Variants in SCHIP1 observed in about 807,000 individuals in gnomAD.
SCHIP1 encodes the protein schwannomin interacting protein 1.
A neutral mutation model predicts 29.7 loss-of-function variants in SCHIP1; 8 were observed. The observed-to-expected ratio is 0.27, with a 90% CI of 0.16 to 0.49. The LOEUF (loss-of-function observed/expected upper bound fraction) is 0.49. Ranked by LOEUF, SCHIP1 falls within the 20% of genes least tolerant of loss-of-function variation. The probability of loss-of-function intolerance (pLI) is 0.99; values close to 1 mark genes in which losing one functional copy is unlikely to be tolerated. For missense variants in SCHIP1, 193 were observed against 294.6 expected (o/e 0.66, Z 2.52); for synonymous variants, 76 against 94.9 (o/e 0.80, Z 1.16).
chr3:159,409,784 T>A, the SCHIP1 span, among the ~76,000 whole-genome samples: 1 of 152,056 alleles, frequency 6.6e-6, no homozygotes, highest in East Asian at 1.9e-4. Flanking sequence ...GAAAAGAGAA[T>A]CTTAAAATTT....
At chr3:159,744,130 C>T in the SCHIP1 span, among the ~76,000 whole-genome samples, 4 of 152,006 alleles carry the variant, frequency 2.6e-5, no homozygotes, top group African/African-American at 9.7e-5. Context: ...CTCAAAGGTA[C>T]CAAACAAAAT....
At chr3:159,678,327 G>A in the SCHIP1 span, among the ~76,000 whole-genome samples, 12 of 152,200 alleles carry the variant, frequency 7.9e-5, no homozygotes, top group Non-Finnish European at 1.5e-4. Context: ...AATTCACACT[G>A]AGAAATGAAT....
At chr3:159,892,390 TC>T (rs774740527) in intron 6 of SCHIP1, 200 bp downstream of exon 7, 42 of 621,916 alleles carry the variant, frequency 6.8e-5, no homozygotes, top group Non-Finnish European at 9.8e-5. Context: ...TTAGCAACCA[TC>T]CCCCCCTTGT....
chr3:159,487,464 A>G, the SCHIP1 span, among the ~76,000 whole-genome samples: 1 of 152,106 alleles, frequency 6.6e-6, no homozygotes, highest in Non-Finnish European at 1.5e-5. Context: ...ATAGCACAGC[A>G]GTGCAGGAGC....
chr3:159,750,884 C>A, the SCHIP1 span, among the ~76,000 whole-genome samples: 1 of 121,384 alleles, frequency 8.2e-6, no homozygotes, highest in Non-Finnish European at 1.8e-5. Context: ...TTAAAAGACT[C>A]TTCATTTTCC....
At chr3:159,290,385 A>G in the SCHIP1 span, among the ~76,000 whole-genome samples, 1 of 152,186 alleles carries the variant, frequency 6.6e-6, no homozygotes, top group Middle Eastern at 3.2e-3. Context: ...ACCTAATGGA[A>G]CTAATGAAAA....
chr3:159,703,771 A>T, the SCHIP1 span, among the ~76,000 whole-genome samples: 2 of 152,196 alleles, frequency 1.3e-5, no homozygotes, highest in South Asian at 2.1e-4. Flanking sequence ...TACATGGTGA[A>T]CTATATTTGG....
chr3:159,765,195 C>T, the SCHIP1 span: 3 of 1,480,908 alleles, frequency 2.0e-6, no homozygotes, highest in East Asian at 2.7e-5. Flanking sequence ...ACCCCGCGCA[C>T]AGCCCGCACG....
chr3:159,540,982 G>A, the SCHIP1 span, among the ~76,000 whole-genome samples: 1 of 151,994 alleles, frequency 6.6e-6, no homozygotes, highest in African/African-American at 2.4e-5. Flanking sequence ...AAAACAAGGA[G>A]CAATAACAAA....
intron 2 of SCHIP1, among the ~76,000 whole-genome samples, chr3:159,884,185 C>A (rs1716728010): frequency 6.6e-6 from 1 of 151,874 alleles, no homozygotes; most frequent in East Asian, 1.9e-4. Context: ...AGCTTTTTTC[C>A]CACCATCTTC....
chr3:159,336,416 GC>G, the SCHIP1 span, among the ~76,000 whole-genome samples: 1 of 152,106 alleles, frequency 6.6e-6, no homozygotes, highest in East Asian at 1.9e-4. Context: ...TGAAGTCCTA[GC>G]CCATGCCTAT....
the SCHIP1 span, among the ~76,000 whole-genome samples, chr3:159,408,956 A>G: frequency 2.0e-5 from 3 of 152,242 alleles, no homozygotes; most frequent in Non-Finnish European, 4.4e-5. Context: ...GGTGGGATTT[A>G]TCCCAGAGAT....
At chr3:159,350,045 GT>G in the SCHIP1 span, among the ~76,000 whole-genome samples, 1 of 152,120 alleles carries the variant, frequency 6.6e-6, no homozygotes, top group African/African-American at 2.4e-5. Context: ...GTGTAAGGAG[GT>G]TTTCAGATTG....
chr3:159,858,284 G>A (rs565094327), intron 1 of SCHIP1, among the ~76,000 whole-genome samples: 2 of 152,280 alleles, frequency 1.3e-5, no homozygotes, highest in South Asian at 4.2e-4. Flanking sequence ...GCTCACAGGG[G>A]AGGACAATCA....
the SCHIP1 span, among the ~76,000 whole-genome samples, chr3:159,636,342 C>A: frequency 6.6e-6 from 1 of 152,156 alleles, no homozygotes. Context: ...GCCACCGCAC[C>A]CAGCCTAATT....
At chr3:159,508,414 C>A in the SCHIP1 span, among the ~76,000 whole-genome samples, 1 of 152,222 alleles carries the variant, frequency 6.6e-6, no homozygotes, top group African/African-American at 2.4e-5. Flanking sequence ...TTTCAAAAAA[C>A]CAGCTCCTGG....
At chr3:159,644,322 C>A in the SCHIP1 span, among the ~76,000 whole-genome samples, 1 of 151,726 alleles carries the variant, frequency 6.6e-6, no homozygotes, top group Non-Finnish European at 1.5e-5. Context: ...TTGCTTTGAC[C>A]CATTATTACA....
the SCHIP1 span, among the ~76,000 whole-genome samples, chr3:159,304,905 C>G: frequency 6.6e-6 from 1 of 152,176 alleles, no homozygotes; most frequent in Non-Finnish European, 1.5e-5. Flanking sequence ...ATCCCTGCCT[C>G]TGTTCCCAGC....
At chr3:159,622,428 G>T in the SCHIP1 span, among the ~76,000 whole-genome samples, 1 of 152,160 alleles carries the variant, frequency 6.6e-6, no homozygotes, top group Non-Finnish European at 1.5e-5. Flanking sequence ...TGTTTCTGAT[G>T]AATTTTCCCA....
Sources: allele counts gnomAD v4.1 joint callset (sites outside exome capture counted in the v4.1 genomes callset), GRCh38; gene constraint gnomAD v4.1.1; transcripts MANE v1.5; gene names NCBI Gene and HGNC (gene_info 2026-07-23, HGNC 2026-07-21).